EPAS1: variants seen among roughly 807,000 people sequenced by gnomAD.
The protein encoded by EPAS1 is endothelial PAS domain-containing protein 1.
EPAS1 carries 23 observed loss-of-function variants against 87.9 expected under a neutral mutation model. The observed-to-expected ratio is 0.26, with a 90% CI of 0.19 to 0.37. The LOEUF is 0.37. Ranked by LOEUF, EPAS1 falls within the 10% of genes least tolerant of loss-of-function variation. The probability of loss-of-function intolerance (pLI) is 1.00; values close to 1 mark genes in which losing one functional copy is unlikely to be tolerated. For missense variants in EPAS1, 1,138 were observed against 1,120.7 expected (o/e 1.02, Z -0.22); for synonymous variants, 508 against 444.3 (o/e 1.14, Z -1.80).
At chr2:46,363,727 A>C (rs1684449377) in intron 6 of EPAS1, among the ~76,000 whole-genome samples, 1 of 152,154 alleles carries the variant, frequency 6.6e-6, no homozygotes, top group African/African-American at 2.4e-5. Context: ...TGTGACTCAT[A>C]ATGTAGAGGG....
Position 46,378,731 on chromosome 2 carries a change from C to T in EPAS1, c.1518C>T (p.Ala506=). 3.7e-6 allele frequency: 6 copies of T among 1,614,182 alleles called. No individual in the cohort carries two copies. Among genetic ancestry groups the T allele is most frequent in the African/African-American group, 1.3e-5 (1 of 75,048 alleles). Residue 506 remains alanine (A), a synonymous_variant, in exon 11 of 16, where the codon GCC becomes GCT. Transcript: ENST00000263734. The part of the protein sequence containing the change: ...LKIEVIEKLF[A]MDTEAKDQCS... ...TTGAAGTGATTGAGAAGCTCTTCGC[C>T]ATGGACACAGAGGCCAAGGACCAAT...
chr2:46,382,377 C>T (rs777232753), intron 14 of EPAS1, 48 bp from the exon 15 acceptor site: 98 of 1,608,136 alleles, frequency 6.1e-5, no homozygotes, highest in Admixed American at 1.5e-4. Context: ...TGGCCTCTCC[C>T]CTCCCTCAGG....
rs1436273760 is a variant in EPAS1, at chr2:46,346,087, A to G, written c.27-786A>G. ...AATATTGCCCGTGCTAGAACTTGCC[A>G]TGGACTTTATAAGAAAGTCCAGGAT... On this transcript the variant is annotated intron_variant, in intron 1 of 15. Transcript: ENST00000263734. This position sits in a 1 kb window ranked among gnomAD's most constrained non-coding sequence, Gnocchi z 4.0. Among the ~76,000 whole-genome samples the G allele has an allele frequency of 6.6e-6, 1 of 152,228 alleles. No homozygotes were observed. The highest frequency in any genetic ancestry group is 6.5e-5 in the Admixed American group (1 of 15,286).
At chr2:46,362,977 AGTGGTGGTGGTGGTGGTGGTG>A (rs75642579) in intron 6 of EPAS1, among the ~76,000 whole-genome samples, 8 of 104,336 alleles carry the variant, frequency 7.7e-5, no homozygotes, top group East Asian at 6.2e-4. Flanking sequence ...TGGTGGTGGT[AGTGGTGGTGGTGGTGGTGGTG>A]GTGGTGGTGG....
rs1230046982 is a variant in EPAS1 at position 46,385,312 on chromosome 2, G to GT, written c.*657dup. On this transcript the variant is annotated 3_prime_UTR_variant, in exon 16 of 16. Coordinates refer to ENST00000263734, the MANE Select transcript of EPAS1 (RefSeq NM_001430.5). ...ACAGCGTGGCTTTTCCTAAACTGGT[G>GT]TTTTTCCCCCGCATTTGGTGGATTT... 1.3e-5 allele frequency: 2 copies of GT among 152,456 alleles called. No individual in the cohort carries two copies. The highest frequency in any genetic ancestry group is 4.8e-5 in the African/African-American group (2 of 41,356). The allele number at this position is 152,456 out of a possible 1,614,324, so 9.4% of individuals were successfully genotyped here.
intron 6 of EPAS1, among the ~76,000 whole-genome samples, chr2:46,368,570 C>G (rs1333433601): frequency 1.3e-5 from 2 of 152,096 alleles, no homozygotes; most frequent in Admixed American, 6.6e-5. Context: ...TTTGGTCTGA[C>G]AGATGTATGC....
rs1307223605 is a variant in EPAS1 at position 46,375,184 on chromosome 2, A to C, written c.887-506A>C. Among the ~76,000 whole-genome samples the C allele has an allele frequency of 7.2e-6, 1 of 138,478 alleles. No homozygotes were observed. Among genetic ancestry groups the C allele is most frequent in the Admixed American group, 7.3e-5 (1 of 13,626 alleles). The allele number at this position is 138,478 out of a possible 152,430, so 90.8% of individuals were successfully genotyped here. ...TATTGGTGGTGGGTCTGCTGAAAAAAAAAAACAAAAAAAAACAAAAAAAAC... is the reference window on the plus strand; with the variant it reads ...TATTGGTGGTGGGTCTGCTGAAAAACAAAAACAAAAAAAAACAAAAAAAAC... On this transcript the variant is annotated intron_variant, in intron 7 of 15. Coordinates refer to ENST00000263734, the MANE Select transcript of EPAS1 (RefSeq NM_001430.5). The surrounding 1 kb of genome is among the most constrained non-coding windows in gnomAD (Gnocchi z 4.1).
rs115264325 is a variant in EPAS1 at position 46,360,708 on chromosome 2, G to C, written c.525G>C (p.Thr175=). The C allele has an allele frequency of 3.0e-5, 49 of 1,613,880 alleles. No individual in the cohort carries two copies. The highest frequency in any genetic ancestry group is 4.2e-5 in the Non-Finnish European group (49 of 1,180,024). Residue 175 remains threonine, a synonymous_variant, in exon 5 of 16, where the codon ACG becomes ACC. Transcript: ENST00000263734. The surrounding 1 kb of genome is among the most constrained non-coding windows in gnomAD (Gnocchi z 4.5). ...ERDFFMRMKC[T]VTNRGRTVNL... ...ACTTCTTCATGAGGATGAAGTGCAC[G>C]GTCACCAACAGAGGCCGTACTGTCA...
Position 46,381,629 on chromosome 2 carries a change from C to A in EPAS1, c.2079C>A (p.Asp693Glu), listed in dbSNP as rs756298292. The A allele has an allele frequency of 4.3e-6, 7 of 1,613,898 alleles. No homozygotes were observed. In the South Asian group the frequency reaches 4.4e-5, roughly 10 times the overall value. The change falls in exon 13 of 16, where the codon GAC (aspartate) becomes GAA (glutamate). Residue 693 changes from aspartate to glutamate, a missense_variant. Coordinates refer to ENST00000263734, the MANE Select transcript of EPAS1 (RefSeq NM_001430.5). ...SAKGFGARGP[D>E]VLSPAMVALS... ...AGGGTTTTGGGGCTCGAGGCCCAGA[C>A]GTGCTGAGTCCGGCCATGGTAGCCC...
intron 1 of EPAS1, among the ~76,000 whole-genome samples, chr2:46,324,463 A>C (rs950872661): frequency 2.5e-4 from 38 of 152,206 alleles, no homozygotes; most frequent in Non-Finnish European, 4.4e-4. Flanking sequence ...AAAACTACAA[A>C]TCTTGCTTGT....
intron 1 of EPAS1, among the ~76,000 whole-genome samples, chr2:46,321,251 G>A (rs898615563): frequency 2.0e-5 from 3 of 152,324 alleles, no homozygotes; most frequent in Middle Eastern, 3.4e-3. Flanking sequence ...CCTATTGTGT[G>A]TAGACACTAT....
intron 15 of EPAS1, among the ~76,000 whole-genome samples, chr2:46,384,142 ATGTATGTGTGTGTTCTGCATGTTCTG>A (rs756175184): frequency 6.6e-6 from 1 of 152,164 alleles, no homozygotes; most frequent in Non-Finnish European, 1.5e-5. Flanking sequence ...TTGCATCTGT[ATGTATGTGTGTGTTCTGCATGTTCTG>A]TGTATGTGAG....
At chr2:46,317,839 T>C (rs1383514976) in intron 1 of EPAS1, among the ~76,000 whole-genome samples, 1 of 152,252 alleles carries the variant, frequency 6.6e-6, no homozygotes, top group African/African-American at 2.4e-5. Flanking sequence ...TCACCTTGCA[T>C]TTTTATGTTA....
intron 6 of EPAS1, 118 bp downstream of exon 6, chr2:46,361,208 T>G: frequency 8.8e-7 from 1 of 1,139,268 alleles, no homozygotes; most frequent in South Asian, 1.4e-5. Flanking sequence ...GCCGGGTGCA[T>G]GTTCGTGGAC....
chr2:46,336,457 G>C (rs1197803851), intron 1 of EPAS1, among the ~76,000 whole-genome samples: 5 of 152,128 alleles, frequency 3.3e-5, no homozygotes, highest in Non-Finnish European at 5.9e-5. Context: ...GTAGGGCTTG[G>C]GCTGGTCCTA....
Position 46,362,953 on chromosome 2 carries a change from AGTG to A in EPAS1, c.779+1884_779+1886del, listed in dbSNP as rs1159555840. ...ACAGTCACCATTTATTGTAATTGTT[AGTG>A]GTGGTGGTGGTGGTGGTGGTAGTGG... On this transcript the variant is annotated intron_variant, in intron 6 of 15. Transcript: ENST00000263734. Among the ~76,000 whole-genome samples, 169 of 78,080 alleles carry A rather than the reference AGTG, an allele frequency of 2.2e-3. 1 individual carries two copies. Among genetic ancestry groups the A allele is most frequent in the African/African-American group, 7.4e-3 (153 of 20,794 alleles). 51.2% of individuals were successfully genotyped at this position (78,080 alleles called of 152,430 possible).
chr2:46,376,096 G>T (rs971770298), intron 8 of EPAS1, among the ~76,000 whole-genome samples: 1 of 152,180 alleles, frequency 6.6e-6, no homozygotes, highest in Non-Finnish European at 1.5e-5. Context: ...TGACCCAGGT[G>T]GGGAGGCAGA....
intron 7 of EPAS1, among the ~76,000 whole-genome samples, chr2:46,370,901 T>A (rs1684615382): frequency 1.3e-5 from 2 of 152,122 alleles, no homozygotes. Context: ...GGGGGTGATA[T>A]AAATTGGTAG....
At chr2:46,299,943 G>A (rs994414024) in intron 1 of EPAS1, among the ~76,000 whole-genome samples, 2 of 152,238 alleles carry the variant, frequency 1.3e-5, no homozygotes, top group Non-Finnish European at 2.9e-5. Flanking sequence ...CGCCTTGGAG[G>A]CCGCTGTGTG....
Sources: allele counts gnomAD v4.1 joint callset (sites outside exome capture counted in the v4.1 genomes callset), GRCh38; gene constraint gnomAD v4.1.1; non-coding constraint Gnocchi (gnomAD v3.1); transcripts MANE v1.5; gene names NCBI Gene and HGNC (gene_info 2026-07-23, HGNC 2026-07-21).